SEMA3A: variants seen among roughly 807,000 people sequenced by gnomAD.
The protein encoded by SEMA3A is semaphorin 3A.
Under a neutral mutation model 97.9 loss-of-function variants are expected in SEMA3A, and 29 were observed. The observed-to-expected ratio is 0.30, with a 90% CI of 0.22 to 0.40. The LOEUF is 0.40. SEMA3A is among the 10% of genes least tolerant of loss of function. The pLI, the probability that SEMA3A is intolerant of heterozygous loss-of-function variation, is 1.00. For missense variants in SEMA3A, 763 were observed against 951.3 expected (o/e 0.80, Z 2.60); for synonymous variants, 321 against 323.7 (o/e 0.99, Z 0.09).
chr7:84,320,399 A>T (rs1464913233), intron 2 of SEMA3A, among the ~76,000 whole-genome samples: 1 of 152,150 alleles, frequency 6.6e-6, no homozygotes, highest in African/African-American at 2.4e-5. Context: ...TTTCAGCAGG[A>T]ATTCCTCCAA....
At chr7:84,031,000 T>TG (rs1211642800) in intron 6 of SEMA3A, among the ~76,000 whole-genome samples, 1 of 144,748 alleles carries the variant, frequency 6.9e-6, no homozygotes, top group East Asian at 2.0e-4. Context: ...TTTTTTTTTT[T>TG]TTTTTTTTTT....
intron 2 of SEMA3A, among the ~76,000 whole-genome samples, chr7:84,348,193 T>A (rs6955438): frequency 0.23 from 35,207 of 152,106 alleles, 4,420 homozygotes; most frequent in South Asian, 0.35. Context: ...GTGGCTTTGC[T>A]AAACTCCTAA....
intron 4 of SEMA3A, among the ~76,000 whole-genome samples, chr7:84,090,925 G>A (rs1052113470): frequency 4.6e-5 from 7 of 151,018 alleles, no homozygotes; most frequent in African/African-American, 1.5e-4. Context: ...AAATTAGCTG[G>A]GCGTGGTGGC....
rs992297935 is a variant in SEMA3A at position 83,994,917 on chromosome 7, A to C, written c.1452+7038T>G. Among the ~76,000 whole-genome samples, 14 of 152,054 alleles carry C rather than the reference A, an allele frequency of 9.2e-5. No homozygotes were observed. The South Asian group carries it at 1.7e-3, about 18-fold the overall frequency. ...ATGGCGGGCACCCCTCCCCCAGCCT[A>C]GCTGCCGCCTTGCAGTTTGATCTCA... On this transcript the variant is annotated intron_variant, in intron 12 of 16. Coordinates refer to ENST00000265362, the MANE Select transcript of SEMA3A (RefSeq NM_006080.3).
At chr7:84,344,262 C>G (rs1016866495) in intron 2 of SEMA3A, among the ~76,000 whole-genome samples, 6 of 152,006 alleles carry the variant, frequency 3.9e-5, no homozygotes, top group African/African-American at 1.5e-4. Context: ...CAAGTAAGGG[C>G]CAGATTTACC....
chr7:84,355,802 ATG>A (rs1442101428), intron 2 of SEMA3A, among the ~76,000 whole-genome samples: 2 of 151,928 alleles, frequency 1.3e-5, no homozygotes, highest in Non-Finnish European at 2.9e-5. Context: ...GCCTGAGTTA[ATG>A]TTGTAATAAA....
intron 1 of SEMA3A, among the ~76,000 whole-genome samples, chr7:84,405,935 A>T (rs1370470331): frequency 6.6e-6 from 1 of 152,214 alleles, no homozygotes; most frequent in Admixed American, 6.5e-5. Flanking sequence ...AAATGGCCAC[A>T]AGAGAAAGCA....
intron 1 of SEMA3A, among the ~76,000 whole-genome samples, chr7:84,461,845 C>A (rs570759170): frequency 6.6e-6 from 1 of 152,196 alleles, no homozygotes; most frequent in African/African-American, 2.4e-5. Flanking sequence ...AATCTTATTT[C>A]TCATTTAATT....
At chr7:84,110,340 G>T in intron 4 of SEMA3A, 130 bp downstream of exon 4, 1 of 926,788 alleles carries the variant, frequency 1.1e-6, no homozygotes, top group Non-Finnish European at 1.6e-6. Flanking sequence ...ATTAATAACA[G>T]CATCTGAGTT....
At chr7:84,132,513 CTT>C (rs1219756259) in intron 2 of SEMA3A, among the ~76,000 whole-genome samples, 2 of 151,836 alleles carry the variant, frequency 1.3e-5, no homozygotes, top group African/African-American at 2.4e-5. Flanking sequence ...AATATATAAT[CTT>C]AGGTATTCTA....
intron 3 of SEMA3A, among the ~76,000 whole-genome samples, chr7:84,296,076 G>A (rs1435981166): frequency 6.6e-6 from 1 of 152,090 alleles, no homozygotes; most frequent in Non-Finnish European, 1.5e-5. Context: ...ACAGTACACA[G>A]AGAATTCCTG....
chr7:84,117,463 G>C (rs1174651093), intron 3 of SEMA3A, among the ~76,000 whole-genome samples: 1 of 152,206 alleles, frequency 6.6e-6, no homozygotes, highest in Non-Finnish European at 1.5e-5. Context: ...ACTGGTACCA[G>C]TCAGGGTCCT....
chr7:84,326,108 T>C (rs757102146), intron 2 of SEMA3A, among the ~76,000 whole-genome samples: 5 of 152,138 alleles, frequency 3.3e-5, no homozygotes, highest in Non-Finnish European at 7.4e-5. Context: ...CTAAATAATA[T>C]CCCTCTGTGA....
chr7:84,164,938 T>C (rs970964566), intron 1 of SEMA3A, among the ~76,000 whole-genome samples: 20 of 152,152 alleles, frequency 1.3e-4, no homozygotes, highest in African/African-American at 4.1e-4. Flanking sequence ...CTTAGGAAAA[T>C]CTCAAAGTAC....
chr7:84,055,149 G>T (rs1290691903), intron 5 of SEMA3A, among the ~76,000 whole-genome samples: 2 of 151,874 alleles, frequency 1.3e-5, no homozygotes, highest in Non-Finnish European at 2.9e-5. Flanking sequence ...GGTTACTGCT[G>T]TCTTTTTGTT....
At chr7:83,981,516 T>TA (rs1789417027) in intron 13 of SEMA3A, 38 bp from the exon 14 acceptor site, 3 of 1,496,346 alleles carry the variant, frequency 2.0e-6, no homozygotes, top group Non-Finnish European at 2.7e-6. Flanking sequence ...AAAACTATCT[T>TA]GTCTTTTAAA....
intron 12 of SEMA3A, among the ~76,000 whole-genome samples, chr7:84,001,654 G>A (rs999220598): frequency 2.9e-5 from 4 of 139,682 alleles, no homozygotes; most frequent in Non-Finnish European, 4.6e-5. Flanking sequence ...TAGGAGTGGG[G>A]AAGAGTTTGT....
rs1215606252 is a variant in SEMA3A, at chr7:84,171,456, G to A, written c.112+23019C>T. Among the ~76,000 whole-genome samples the A allele has an allele frequency of 2.0e-5, 3 of 152,210 alleles. No homozygotes were observed. In the East Asian group the frequency reaches 5.8e-4, roughly 29 times the overall value. On this transcript the variant is annotated intron_variant, in intron 1 of 16. Coordinates refer to ENST00000265362, the MANE Select transcript of SEMA3A (RefSeq NM_006080.3). The stretch of plus-strand genomic sequence containing the variant: ...ATATATGTTAATTACCTGTAAATAT[G>A]TGGATTAACACTTTGCCCTGACAAA...
intron 2 of SEMA3A, among the ~76,000 whole-genome samples, chr7:84,323,715 T>A (rs371401219): frequency 6.6e-6 from 1 of 152,182 alleles, no homozygotes; most frequent in East Asian, 1.9e-4. Flanking sequence ...ATAAATCATA[T>A]GGACAGATGT....
Sources: gnomAD v4.1 joint callset for allele counts (sites outside exome capture counted in the v4.1 genomes callset) on GRCh38, gnomAD v4.1.1 for gene constraint, MANE v1.5 for transcripts, NCBI Gene and HGNC (gene_info 2026-07-23, HGNC 2026-07-21) for gene names.